Variants in FGF14 observed in about 807,000 individuals in gnomAD.
FGF14 encodes fibroblast growth factor 14.
In FGF14, 5 loss-of-function variants were observed where a neutral mutation model predicts 25.5. That is an observed-to-expected ratio of 0.20 (90% confidence interval 0.10 to 0.41). The LOEUF is 0.41. FGF14 is among the 10% of genes least tolerant of loss of function. The pLI is 1.00. For synonymous variants in FGF14, 138 were observed against 118.3 expected (o/e 1.17, Z -1.08); for missense variants, 222 against 320.1 (o/e 0.69, Z 2.34).
intron 1 of FGF14, among the ~76,000 whole-genome samples, chr13:101,888,131 C>CA (rs1272446768): frequency 6.6e-6 from 1 of 152,118 alleles, no homozygotes; most frequent in Non-Finnish European, 1.5e-5. Flanking sequence ...TGGCAGTCTG[C>CA]AGGCAGCTCT....
intron 1 of FGF14, among the ~76,000 whole-genome samples, chr13:102,349,800 G>A (rs1293422803): frequency 6.6e-6 from 1 of 152,138 alleles, no homozygotes; most frequent in Non-Finnish European, 1.5e-5. Context: ...CTGGGAATAT[G>A]TACTTTCACT....
intron 1 of FGF14, among the ~76,000 whole-genome samples, chr13:102,343,025 G>C (rs370607249): frequency 2.6e-5 from 4 of 152,102 alleles, no homozygotes; most frequent in African/African-American, 4.8e-5. Context: ...TGGAATTGCA[G>C]GCAAAACTTC....
intron 1 of FGF14, among the ~76,000 whole-genome samples, chr13:102,329,251 C>T (rs940900686): frequency 2.0e-5 from 3 of 152,230 alleles, no homozygotes; most frequent in African/African-American, 7.2e-5. Context: ...CCTTCAGCTT[C>T]TTGCTCCAAG....
chr13:101,927,122 C>A (rs1306722614), intron 1 of FGF14, among the ~76,000 whole-genome samples: 3 of 152,136 alleles, frequency 2.0e-5, no homozygotes, highest in Non-Finnish European at 4.4e-5. Flanking sequence ...TCTCTGTACC[C>A]TCCTCTGAGG....
rs2034720776 is a variant in FGF14 at position 101,716,336 on chromosome 13, A to G, written c.*6495T>C. On this transcript the variant is annotated 3_prime_UTR_variant, in exon 5 of 5. Coordinates refer to ENST00000376143, the MANE Select transcript of FGF14 (RefSeq NM_004115.4). ...TCTGACATTAAATCATTTAGCCACT[A>G]AGTTATTTGTCTACTCTCACTTTAA... 1 of 152,154 alleles carries G rather than the reference A, an allele frequency of 6.6e-6. No individual in the cohort carries two copies. Among genetic ancestry groups the G allele is most frequent in the Non-Finnish European group, 1.5e-5 (1 of 68,024 alleles). The allele number at this position is 152,154 out of a possible 1,614,324, so 9.4% of individuals were successfully genotyped here.
At chr13:101,777,828 G>GAAAAA (rs2039225301) in intron 3 of FGF14, among the ~76,000 whole-genome samples, 1 of 152,076 alleles carries the variant, frequency 6.6e-6, no homozygotes, top group Non-Finnish European at 1.5e-5. Flanking sequence ...GTTGGGCATG[G>GAAAAA]TGAGAGGCAC....
chr13:101,770,973 ATAT>A (rs2038731131), intron 3 of FGF14, among the ~76,000 whole-genome samples: 2 of 152,108 alleles, frequency 1.3e-5, no homozygotes, highest in African/African-American at 4.8e-5. Context: ...ATTTAAAATT[ATAT>A]TAAACTATAT....
chr13:101,803,659 G>A (rs1214759293), intron 3 of FGF14, among the ~76,000 whole-genome samples: 1 of 152,136 alleles, frequency 6.6e-6, no homozygotes, highest in Non-Finnish European at 1.5e-5. Flanking sequence ...ATAAATGGTA[G>A]ACTATATAGA....
chr13:101,890,540 C>T (rs2046215371), intron 1 of FGF14, among the ~76,000 whole-genome samples: 1 of 152,086 alleles, frequency 6.6e-6, no homozygotes, highest in Non-Finnish European at 1.5e-5. Context: ...AATAAAAATC[C>T]TCAGATCTCG....
intron 1 of FGF14, among the ~76,000 whole-genome samples, chr13:101,960,657 G>A (rs534815741): frequency 3.3e-5 from 5 of 152,194 alleles, no homozygotes; most frequent in African/African-American, 7.2e-5. Flanking sequence ...GAACATACAC[G>A]TATATATATC....
chr13:102,079,395 A>G (rs2043511551), intron 1 of FGF14, among the ~76,000 whole-genome samples: 1 of 152,206 alleles, frequency 6.6e-6, no homozygotes, highest in Non-Finnish European at 1.5e-5. Context: ...AAGTTAAAAA[A>G]TAAGTTATTC....
intron 3 of FGF14, among the ~76,000 whole-genome samples, chr13:101,766,963 G>C (rs1191972262): frequency 6.6e-6 from 1 of 152,122 alleles, no homozygotes; most frequent in African/African-American, 2.4e-5. Flanking sequence ...CCTGTATTAT[G>C]CATAATAGTC....
At chr13:102,399,470 C>T (rs1416184891) in intron 1 of FGF14, among the ~76,000 whole-genome samples, 2 of 152,238 alleles carry the variant, frequency 1.3e-5, no homozygotes, top group Non-Finnish European at 2.9e-5. Context: ...GCCCTTCCCA[C>T]TGCAGCCCTT....
At position 101,888,908 on chromosome 13, in the gene FGF14, C is replaced by T. The variant is rs543699108; in HGVS notation, c.194-13612G>A. 2.6e-5 allele frequency among the ~76,000 whole-genome samples: 4 copies of T among 152,252 alleles called. No individual in the cohort carries two copies. In the East Asian group the frequency reaches 7.7e-4, roughly 29 times the overall value. ...ATGTTGAAGTCTTAACCAGAATGAA[C>T]TACATTTGCAGACAGAGCCCTTAAA... On this transcript the variant is annotated intron_variant, in intron 1 of 4. Coordinates refer to ENST00000376143, the MANE Select transcript of FGF14 (RefSeq NM_004115.4).
intron 1 of FGF14, among the ~76,000 whole-genome samples, chr13:102,165,050 T>C (rs958339938): frequency 1.3e-5 from 2 of 151,734 alleles, no homozygotes; most frequent in African/African-American, 4.8e-5. Context: ...ATGGGAAGAA[T>C]AGAAAGGAAG....
At chr13:102,184,864 C>T (rs1356684978) in intron 1 of FGF14, among the ~76,000 whole-genome samples, 1 of 152,102 alleles carries the variant, frequency 6.6e-6, no homozygotes, top group African/African-American at 2.4e-5. Flanking sequence ...CCAAAATGCC[C>T]ACAAAAGTTA....
Position 101,938,879 on chromosome 13 carries a change from G to T in FGF14, c.209-63583C>A, listed in dbSNP as rs140832614. Among the ~76,000 whole-genome samples, 687 of 152,300 alleles carry T rather than the reference G, an allele frequency of 4.5e-3. 4 individuals are homozygous for T. Among genetic ancestry groups the T allele is most frequent in the South Asian group, 8.3e-3 (40 of 4,826 alleles). On this transcript the variant is annotated intron_variant, in intron 1 of 4. Transcript: ENST00000376131. ...TAGAAAATAAGATAACTTCATTAAG[G>T]AGAGTAGTTCTTCACTGAGGGCATT...
At chr13:102,058,782 G>T (rs1321141267) in intron 1 of FGF14, among the ~76,000 whole-genome samples, 7 of 151,864 alleles carry the variant, frequency 4.6e-5, no homozygotes, top group Non-Finnish European at 8.8e-5. Context: ...ACTCAAATTT[G>T]CCCTGAAATT....
At chr13:101,858,856 A>C (rs2044262607) in intron 3 of FGF14, among the ~76,000 whole-genome samples, 1 of 152,128 alleles carries the variant, frequency 6.6e-6, no homozygotes, top group Admixed American at 6.6e-5. Context: ...TAAAACGTTC[A>C]AGTTTAAGTG....
Sources: allele counts gnomAD v4.1 joint callset (sites outside exome capture counted in the v4.1 genomes callset), GRCh38; gene constraint gnomAD v4.1.1; transcripts MANE v1.5; gene names NCBI Gene and HGNC (gene_info 2026-07-23, HGNC 2026-07-21).